Variants in SHC3 observed in about 807,000 individuals in gnomAD.
SHC3 encodes SHC-transforming protein 3.
SHC3 carries 15 observed loss-of-function variants against 60.4 expected under a neutral mutation model. The observed-to-expected ratio is 0.25, with a 90% confidence interval of 0.17 to 0.38. SHC3 has a LOEUF of 0.38. Ranked by LOEUF, SHC3 falls within the 10% of genes least tolerant of loss-of-function variation. The pLI is 1.00. For synonymous variants in SHC3, 294 were observed against 325.9 expected, an observed-to-expected ratio of 0.90 and a Z score of 1.05; for missense variants, 677 against 786.1, an observed-to-expected ratio of 0.86 and a Z score of 1.66.
chr9:89,087,366 T>A (rs1330839419), intron 2 of SHC3, among the ~76,000 whole-genome samples: 2 of 152,182 alleles, frequency 1.3e-5, no homozygotes, highest in Non-Finnish European at 2.9e-5. Context: ...GGAAATACTC[T>A]GTGAGACTAA....
chr9:89,030,807 G>A lies in SHC3; in HGVS notation c.1656+7186C>T, dbSNP rs542376247. On this transcript the variant is annotated intron_variant, in intron 11 of 11. Transcript: ENST00000375835. ...TTCCTTCCGTTTTTCCTCCATACCA[G>A]TGATTTGTTTGAAAAACAAGATATT... Among the ~76,000 whole-genome samples the A allele has an allele frequency of 9.9e-5, 15 of 152,264 alleles. No homozygotes were observed. The South Asian group carries it at 1.7e-3, about 17-fold the overall frequency.
intron 1 of SHC3, among the ~76,000 whole-genome samples, chr9:89,128,789 A>AGAT (rs1358740110): frequency 2.0e-5 from 3 of 152,190 alleles, no homozygotes; most frequent in Non-Finnish European, 4.4e-5. Flanking sequence ...AAAACTACAA[A>AGAT]GATTGGGAGA....
rs906215236 is a variant in SHC3, at chr9:89,079,949, G to A, written c.546-2046C>T. ...ATAAATTCCTTCCTAATGCTCATAC[G>A]ATAACACGTGTGTGTGAATTCTCAT... On this transcript the variant is annotated intron_variant, in intron 2 of 11. Coordinates refer to ENST00000375835, the MANE Select transcript of SHC3 (RefSeq NM_016848.6). 1.7e-4 allele frequency among the ~76,000 whole-genome samples: 26 copies of A among 152,262 alleles called. No individual in the cohort carries two copies. In the Middle Eastern group the frequency reaches 0.017, roughly 100 times the overall value.
rs1408173193 is a variant in SHC3 at position 89,012,674 on chromosome 9, CA to C, written c.*772del. 6.6e-6 allele frequency: 1 copy of C among 152,214 alleles called. No homozygotes were observed. Among genetic ancestry groups the C allele is most frequent in the Non-Finnish European group, 1.5e-5 (1 of 68,040 alleles). 9.4% of individuals were successfully genotyped at this position (152,214 alleles called of 1,614,324 possible). On this transcript the variant is annotated 3_prime_UTR_variant, in exon 12 of 12. Coordinates refer to ENST00000375835, the MANE Select transcript of SHC3 (RefSeq NM_016848.6). Reference sequence around the variant, plus strand: ...TGAGAACAGGGAAGCACTTGTCAATCAAAATCTTGGTTGGTGAAGCTTATTT... The same window carrying C: ...TGAGAACAGGGAAGCACTTGTCAATCAAATCTTGGTTGGTGAAGCTTATTT...
At chr9:89,068,363 G>C (rs1825216288) in intron 5 of SHC3, among the ~76,000 whole-genome samples, 1 of 152,136 alleles carries the variant, frequency 6.6e-6, no homozygotes, top group Non-Finnish European at 1.5e-5. Flanking sequence ...TTTTCCTACT[G>C]GGTAAACTGA....
At chr9:89,071,341 A>G in intron 4 of SHC3, 89 bp from the exon 5 acceptor site, 12 of 1,338,954 alleles carry the variant, frequency 9.0e-6, no homozygotes, top group Non-Finnish European at 1.3e-5. Flanking sequence ...GGCATTACAA[A>G]TTGACATGTT....
chr9:89,095,722 T>C (rs989000961), intron 2 of SHC3, among the ~76,000 whole-genome samples: 2 of 152,146 alleles, frequency 1.3e-5, no homozygotes, highest in Admixed American at 6.5e-5. Context: ...CAGGGCTCAG[T>C]TGCAGCCTGA....
chr9:89,176,026 G>A (rs1826937722), intron 1 of SHC3, among the ~76,000 whole-genome samples: 1 of 152,200 alleles, frequency 6.6e-6, no homozygotes, highest in Non-Finnish European at 1.5e-5. Flanking sequence ...GACAATGCCT[G>A]CGTTTATGTT....
chr9:89,037,516 G>A (rs1238729548), intron 11 of SHC3: 3 of 716,778 alleles, frequency 4.2e-6, no homozygotes, highest in Non-Finnish European at 7.8e-6. Flanking sequence ...ACATCAGTAG[G>A]AGTTACTTCT....
At chr9:89,063,563 G>T (rs1296624844) in intron 6 of SHC3, among the ~76,000 whole-genome samples, 1 of 152,134 alleles carries the variant, frequency 6.6e-6, no homozygotes, top group African/African-American at 2.4e-5. Flanking sequence ...GGGATGAAGG[G>T]GCCACTTGGA....
Position 89,038,170 on chromosome 9 carries a change from T to C in SHC3, c.1479A>G (p.Glu493=). The C allele has an allele frequency of 6.2e-7, 1 of 1,613,978 alleles. No homozygotes were observed. Among genetic ancestry groups the C allele is most frequent in the Non-Finnish European group, 8.5e-7 (1 of 1,179,980 alleles). Residue 493 remains glutamate, a synonymous_variant, in exon 11 of 12, where the codon GAA becomes GAG. Coordinates refer to ENST00000375835, the MANE Select transcript of SHC3 (RefSeq NM_016848.6). ...PRAPDAKMLE[E]LQAETWYQGE... ...CTTGGTACCAAGTCTCGGCTTGCAGTTCCTCCAGCATCTTGGCATCTGGGG... is the reference window on the plus strand; with the variant it reads ...CTTGGTACCAAGTCTCGGCTTGCAGCTCCTCCAGCATCTTGGCATCTGGGG...
intron 11 of SHC3, among the ~76,000 whole-genome samples, chr9:89,023,289 G>GA (rs1826235388): frequency 6.6e-6 from 1 of 152,188 alleles, no homozygotes. Context: ...AATCATCTGA[G>GA]AAAGTCTCAG....
At chr9:89,039,893 C>T (rs1008112418) in intron 10 of SHC3, among the ~76,000 whole-genome samples, 1 of 151,598 alleles carries the variant, frequency 6.6e-6, no homozygotes, top group African/African-American at 2.4e-5. Context: ...ACCAGCATAA[C>T]CATCATCATC....
intron 1 of SHC3, among the ~76,000 whole-genome samples, chr9:89,140,046 T>G (rs1826370681): frequency 6.6e-6 from 1 of 152,240 alleles, no homozygotes; most frequent in South Asian, 2.1e-4. Context: ...AAAACTGTCA[T>G]TTCTTGAAGA....
intron 1 of SHC3, among the ~76,000 whole-genome samples, chr9:89,130,449 C>T (rs192134626): frequency 6.6e-6 from 1 of 152,338 alleles, no homozygotes; most frequent in Admixed American, 6.5e-5. Flanking sequence ...CACCCCAAAT[C>T]AACAGAATAT....
chr9:89,076,417 T>C (rs1825359392), intron 3 of SHC3, among the ~76,000 whole-genome samples: 1 of 152,228 alleles, frequency 6.6e-6, no homozygotes, highest in Non-Finnish European at 1.5e-5. Flanking sequence ...GAATCAGGAA[T>C]GTGCAACCTC....
Position 89,009,659 on chromosome 9 carries a change from G to C in SHC3, c.*3788C>G, listed in dbSNP as rs1825990016. 1 of 152,304 alleles carries C rather than the reference G, an allele frequency of 6.6e-6. No individual in the cohort carries two copies. The highest frequency in any genetic ancestry group is 2.1e-4 in the South Asian group (1 of 4,832). 9.4% of individuals were successfully genotyped at this position (152,304 alleles called of 1,614,324 possible). On this transcript the variant is annotated 3_prime_UTR_variant, in exon 12 of 12. Coordinates refer to ENST00000375835, the MANE Select transcript of SHC3 (RefSeq NM_016848.6). Reference sequence around the variant, plus strand: ...AGTCCACGCCGTTCTGGGTGTGCCAGGGTGGAGGCTGGATGGAGGTATCTA... The same window carrying C: ...AGTCCACGCCGTTCTGGGTGTGCCACGGTGGAGGCTGGATGGAGGTATCTA...
chr9:89,046,743 T>G (rs981550948), intron 8 of SHC3, 101 bp downstream of exon 8: 74 of 1,304,146 alleles, frequency 5.7e-5, no homozygotes, highest in Non-Finnish European at 7.5e-5. Context: ...GTGTCAAAAA[T>G]GAAACAGAAC....
intron 6 of SHC3, among the ~76,000 whole-genome samples, chr9:89,056,163 T>C (rs1824945382): frequency 6.6e-6 from 1 of 152,262 alleles, no homozygotes; most frequent in African/African-American, 2.4e-5. Flanking sequence ...TATGAATAGA[T>C]GATCAGTGTT....
Sources: gnomAD v4.1 joint callset for allele counts (sites outside exome capture counted in the v4.1 genomes callset) on GRCh38, gnomAD v4.1.1 for gene constraint, MANE v1.5 for transcripts, NCBI Gene and HGNC (gene_info 2026-07-23, HGNC 2026-07-21) for gene names.